LEPR: variants seen among roughly 807,000 people sequenced by gnomAD.
LEPR encodes OB receptor.
In LEPR, 56 loss-of-function variants were observed where a neutral mutation model predicts 114.7. The observed-to-expected ratio is 0.49, with a 90% CI of 0.39 to 0.61. LEPR has a LOEUF of 0.61. Ranked by LOEUF, LEPR falls within the 20% of genes least tolerant of loss-of-function variation. LEPR has a pLI of 0.00. For missense variants in LEPR, 1,202 were observed against 1,352.9 expected, an observed-to-expected ratio of 0.89 and a Z score of 1.75; for synonymous variants, 443 against 461.4, an observed-to-expected ratio of 0.96 and a Z score of 0.51.
chr1:65,496,133 T>C (rs533121758), intron 2 of LEPR, among the ~76,000 whole-genome samples: 138 of 152,224 alleles, frequency 9.1e-4, no homozygotes, highest in Non-Finnish European at 1.6e-3. Flanking sequence ...ACACATTGTA[T>C]ATACTTGTAT....
In LEPR at chr1:65,506,738, T is replaced by A. The variant is rs567558340; in HGVS notation, c.-20-58808T>A. Reference sequence around the variant, plus strand: ...GATACATGTATACTCTGTGGGATGATCAAATCAGGCTAATTAGCATTATCA... The same window carrying A: ...GATACATGTATACTCTGTGGGATGAACAAATCAGGCTAATTAGCATTATCA... On this transcript the variant is annotated intron_variant, in intron 2 of 19. Transcript: ENST00000349533. Among the ~76,000 whole-genome samples the A allele has an allele frequency of 1.5e-3, 234 of 152,292 alleles. 1 individual carries two copies. The highest frequency in any genetic ancestry group is 5.5e-3 in the African/African-American group (229 of 41,550).
intron 5 of LEPR, chr1:65,576,960 C>T: frequency 3.0e-6 from 1 of 338,382 alleles, no homozygotes; most frequent in Non-Finnish European, 5.8e-6. Flanking sequence ...GGCAAACAAT[C>T]CTCCAGCCAT....
intron 2 of LEPR, among the ~76,000 whole-genome samples, chr1:65,492,760 C>CT (rs1647942419): frequency 6.7e-6 from 1 of 149,884 alleles, no homozygotes; most frequent in African/African-American, 2.5e-5. Context: ...TTATGTTATT[C>CT]TTGTTGTATG....
intron 2 of LEPR, among the ~76,000 whole-genome samples, chr1:65,482,382 G>T (rs1231028114): frequency 6.6e-6 from 1 of 152,160 alleles, no homozygotes. Flanking sequence ...TTGAAAGCTG[G>T]TTCTAAAATT....
intron 2 of LEPR, among the ~76,000 whole-genome samples, chr1:65,526,852 C>G (rs1243373594): frequency 6.6e-6 from 1 of 152,104 alleles, no homozygotes; most frequent in Admixed American, 6.5e-5. Context: ...ACAAACATTG[C>G]TAGTTTCATA....
chr1:65,517,277 A>G (rs1364405443), intron 2 of LEPR, among the ~76,000 whole-genome samples: 1 of 152,242 alleles, frequency 6.6e-6, no homozygotes, highest in Non-Finnish European at 1.5e-5. Flanking sequence ...GAGCAAATGC[A>G]CCATAAGCTG....
intron 2 of LEPR, among the ~76,000 whole-genome samples, chr1:65,542,953 T>A (rs1199100544): frequency 6.6e-6 from 1 of 152,018 alleles, no homozygotes; most frequent in African/African-American, 2.4e-5. Flanking sequence ...GTAGAATGAT[T>A]TATAATCCTT....
At chr1:65,439,978 G>T (rs1646626638) in intron 2 of LEPR, among the ~76,000 whole-genome samples, 1 of 135,166 alleles carries the variant, frequency 7.4e-6, no homozygotes, top group Non-Finnish European at 1.6e-5. Context: ...TCCAGCCTGG[G>T]CGAGGAAGAG....
At chr1:65,550,831 G>A (rs947735137) in intron 2 of LEPR, among the ~76,000 whole-genome samples, 16 of 152,072 alleles carry the variant, frequency 1.1e-4, no homozygotes, top group African/African-American at 3.4e-4. Context: ...CCACTGTCCT[G>A]CACCCACTGT....
intron 2 of LEPR, among the ~76,000 whole-genome samples, chr1:65,550,854 A>T (rs1201399392): frequency 6.6e-6 from 1 of 151,990 alleles, no homozygotes; most frequent in Non-Finnish European, 1.5e-5. Context: ...GGCACTCCCT[A>T]GTGAGATGAA....
In LEPR at chr1:65,601,483, C is replaced by T. The variant is rs1047470994; in HGVS notation, c.1086C>T (p.Pro362=). The T allele has an allele frequency of 1.9e-6, 3 of 1,613,524 alleles. No homozygotes were observed. The highest frequency in any genetic ancestry group is 3.3e-5 in the Admixed American group (2 of 59,978). Residue 362 remains proline (P), a synonymous_variant, in exon 9 of 20, where the codon CCC becomes CCT. Coordinates refer to ENST00000349533, the MANE Select transcript of LEPR (RefSeq NM_002303.6). ...CIYKKENKIV[P]SKEIVWWMNL... is the part of the protein sequence containing the mutation. ...ATAAGAAGGAAAACAAGATTGTTCCCTCAAAAGAGATTGTTTGGTGGATGA... is the reference window on the plus strand; with the variant it reads ...ATAAGAAGGAAAACAAGATTGTTCCTTCAAAAGAGATTGTTTGGTGGATGA...
intron 2 of LEPR, among the ~76,000 whole-genome samples, chr1:65,459,015 TC>T (rs1205544450): frequency 6.6e-6 from 1 of 152,252 alleles, no homozygotes; most frequent in Non-Finnish European, 1.5e-5. Flanking sequence ...ACAGACATAA[TC>T]TATAGGTGAA....
intron 9 of LEPR, 53 bp downstream of exon 9, chr1:65,601,735 T>C (rs1656452100): frequency 1.2e-6 from 2 of 1,611,104 alleles, no homozygotes; most frequent in African/African-American, 2.7e-5. Flanking sequence ...ATTTTCATTA[T>C]GGACCCTCCT....
At chr1:65,476,461 G>C (rs1647161285) in intron 2 of LEPR, among the ~76,000 whole-genome samples, 1 of 152,198 alleles carries the variant, frequency 6.6e-6, no homozygotes, top group Non-Finnish European at 1.5e-5. Flanking sequence ...CAATAGCTCA[G>C]TAAAGGTCTA....
intron 2 of LEPR, among the ~76,000 whole-genome samples, chr1:65,499,550 C>A (rs1460935911): frequency 6.6e-6 from 1 of 152,010 alleles, no homozygotes; most frequent in Non-Finnish European, 1.5e-5. Context: ...TGAGTCCCAG[C>A]CTTCACGAGT....
At chr1:65,539,505 CT>C (rs1651031717) in intron 2 of LEPR, among the ~76,000 whole-genome samples, 1 of 152,148 alleles carries the variant, frequency 6.6e-6, no homozygotes, top group Non-Finnish European at 1.5e-5. Context: ...GGCCTGTTGC[CT>C]AAATGTCAGG....
intron 2 of LEPR, among the ~76,000 whole-genome samples, chr1:65,529,105 G>A (rs983450768): frequency 6.6e-6 from 1 of 151,842 alleles, no homozygotes; most frequent in Non-Finnish European, 1.5e-5. Context: ...GAGCCATCAT[G>A]CCTGGCCCAA....
intron 2 of LEPR, among the ~76,000 whole-genome samples, chr1:65,453,735 G>A (rs976445534): frequency 1.2e-4 from 19 of 152,112 alleles, no homozygotes; most frequent in African/African-American, 4.6e-4. Flanking sequence ...GTGGTGTGGT[G>A]CTGAAAAAAA....
intron 11 of LEPR, 48 bp from the exon 12 acceptor site, chr1:65,608,705 A>T: frequency 6.3e-7 from 1 of 1,576,272 alleles, no homozygotes; most frequent in Non-Finnish European, 8.7e-7. Flanking sequence ...TTTAGGCATT[A>T]TTACTATTTA....
Sources: allele counts gnomAD v4.1 joint callset (sites outside exome capture counted in the v4.1 genomes callset), GRCh38; gene constraint gnomAD v4.1.1; transcripts MANE v1.5; gene names NCBI Gene and HGNC (gene_info 2026-07-23, HGNC 2026-07-21).